Variants in SCAMP1 observed in about 807,000 individuals in gnomAD.
SCAMP1 encodes secretory carrier-associated membrane protein 1.
Under a neutral mutation model 41.8 loss-of-function variants are expected in SCAMP1, and 15 were observed. The observed-to-expected ratio is 0.36, with a 90% confidence interval of 0.24 to 0.55. The LOEUF is 0.55. SCAMP1 is among the 20% of genes least tolerant of loss of function. SCAMP1 has a pLI of 0.86. For missense variants in SCAMP1, 341 were observed against 412.6 expected, an observed-to-expected ratio of 0.83 and a Z score of 1.50; for synonymous variants, 135 against 136.8, an observed-to-expected ratio of 0.99 and a Z score of 0.09.
intron 1 of SCAMP1, among the ~76,000 whole-genome samples, chr5:78,387,087 A>G (rs950738029): frequency 7.9e-5 from 12 of 152,136 alleles, no homozygotes; most frequent in African/African-American, 2.2e-4. Flanking sequence ...CTCGAGAACA[A>G]TTATTCTTAG....
intron 1 of SCAMP1, among the ~76,000 whole-genome samples, chr5:78,382,358 T>C (rs1369004363): frequency 1.3e-5 from 2 of 152,228 alleles, no homozygotes; most frequent in African/African-American, 4.8e-5. Flanking sequence ...TTTGTTGAGA[T>C]ATTCATTATA....
chr5:78,380,164 A>T (rs571095163), intron 1 of SCAMP1, among the ~76,000 whole-genome samples: 14 of 152,326 alleles, frequency 9.2e-5, no homozygotes, highest in Middle Eastern at 3.4e-3. Context: ...ACTCAGCTGC[A>T]TAGTACTTTA....
intron 7 of SCAMP1, among the ~76,000 whole-genome samples, chr5:78,453,167 T>C (rs941543382): frequency 6.6e-6 from 1 of 151,330 alleles, no homozygotes; most frequent in Non-Finnish European, 1.5e-5. Flanking sequence ...TTTCTTTTGC[T>C]GTGCAGAAGC....
intron 2 of SCAMP1, among the ~76,000 whole-genome samples, chr5:78,393,470 C>T (rs1416371169): frequency 6.6e-6 from 1 of 152,128 alleles, no homozygotes; most frequent in African/African-American, 2.4e-5. Flanking sequence ...CAGTGCTTGG[C>T]CTGCATAATT....
At position 78,459,320 on chromosome 5, in the gene SCAMP1, T is replaced by C. The variant is rs1753522531; in HGVS notation, c.810T>C (p.Leu270=). ...TCATGATGATAATCATAGCAGCACT[T>C]TTCACAGCATCAGCAGTCATCTCAC... The part of the protein sequence containing the change: ...VGIMMIIIAA[L]FTASAVISLV... Residue 270 remains leucine, a synonymous_variant, in exon 8 of 9, where the codon CTT becomes CTC. Coordinates refer to ENST00000621999, the MANE Select transcript of SCAMP1 (RefSeq NM_004866.6). The C allele has an allele frequency of 7.5e-6, 12 of 1,606,710 alleles. No individual in the cohort carries two copies. The highest frequency in any genetic ancestry group is 1.0e-5 in the Non-Finnish European group (12 of 1,173,940).
At chr5:78,459,194 T>G (rs768954914) in intron 7 of SCAMP1, 51 bp from the exon 8 acceptor site, 5 of 848,742 alleles carry the variant, frequency 5.9e-6, no homozygotes, top group African/African-American at 1.7e-5. Flanking sequence ...ATGCTATTTT[T>G]AAAAAGTTTA....
chr5:78,392,212 GCTGT>G lies in SCAMP1; in HGVS notation c.135+3301_135+3304del, dbSNP rs1300124462. Reference sequence around the variant, plus strand: ...TATCAGTTGTAGTATTCTTCATCAAGCTGTCTACTTTGTGCCATGTGCTTTGCCT... The same window carrying G: ...TATCAGTTGTAGTATTCTTCATCAAGCTACTTTGTGCCATGTGCTTTGCCT... On this transcript the variant is annotated intron_variant, in intron 2 of 8. Transcript: ENST00000621999. 2.6e-5 allele frequency among the ~76,000 whole-genome samples: 4 copies of G among 152,182 alleles called. No homozygotes were observed. In the East Asian group the frequency reaches 5.8e-4, roughly 22 times the overall value.
chr5:78,391,264 A>G (rs1216257567), intron 2 of SCAMP1, among the ~76,000 whole-genome samples: 16 of 135,986 alleles, frequency 1.2e-4, no homozygotes, highest in African/African-American at 2.8e-4. Context: ...CGGACGGGGC[A>G]GCTGGCCGGG....
chr5:78,417,813 A>G (rs1752246013), intron 4 of SCAMP1, among the ~76,000 whole-genome samples: 2 of 152,200 alleles, frequency 1.3e-5, no homozygotes, highest in South Asian at 4.1e-4. Flanking sequence ...GAAATGAACT[A>G]TATGAAATTT....
intron 6 of SCAMP1, among the ~76,000 whole-genome samples, chr5:78,428,740 G>A (rs1752527347): frequency 6.6e-6 from 1 of 152,044 alleles, no homozygotes; most frequent in Non-Finnish European, 1.5e-5. Flanking sequence ...CATTGATTTT[G>A]TGAATATGGA....
At chr5:78,366,688 C>G (rs11743458) in intron 1 of SCAMP1, among the ~76,000 whole-genome samples, 37,361 of 152,070 alleles carry the variant, frequency 0.25, 4,980 homozygotes, top group East Asian at 0.54. Context: ...CCTCCCTTAT[C>G]TGTTTAAAAT....
intron 1 of SCAMP1, among the ~76,000 whole-genome samples, chr5:78,366,417 T>C: frequency 6.6e-6 from 1 of 152,168 alleles, no homozygotes; most frequent in African/African-American, 2.4e-5. Flanking sequence ...GTGCTGGGAT[T>C]ACAGGTGTAT....
intron 5 of SCAMP1, among the ~76,000 whole-genome samples, chr5:78,420,864 A>C (rs1752323710): frequency 6.6e-6 from 1 of 152,210 alleles, no homozygotes; most frequent in African/African-American, 2.4e-5. Flanking sequence ...AGATTTAAAA[A>C]ACTAGATCCA....
chr5:78,387,445 G>A (rs913383577), intron 1 of SCAMP1, among the ~76,000 whole-genome samples: 2 of 148,440 alleles, frequency 1.3e-5, no homozygotes, highest in Non-Finnish European at 3.0e-5. Flanking sequence ...TTGACCTTCT[G>A]AATTTTTTTT....
At chr5:78,464,238 G>A (rs1363941522) in intron 8 of SCAMP1, among the ~76,000 whole-genome samples, 1 of 152,058 alleles carries the variant, frequency 6.6e-6, no homozygotes, top group Admixed American at 6.5e-5. Context: ...CCAACTCCCT[G>A]GTTCAAGCAG....
intron 2 of SCAMP1, among the ~76,000 whole-genome samples, chr5:78,405,375 A>T (rs765336525): frequency 6.6e-6 from 1 of 152,034 alleles, no homozygotes; most frequent in African/African-American, 2.4e-5. Context: ...CACATATTCC[A>T]TGCATTCTCC....
At chr5:78,364,863 A>G (rs1046438314) in intron 1 of SCAMP1, among the ~76,000 whole-genome samples, 5 of 124,356 alleles carry the variant, frequency 4.0e-5, no homozygotes, top group Non-Finnish European at 8.0e-5. Flanking sequence ...GGTGGGGAAC[A>G]TCACACACCG....
At chr5:78,397,108 T>A (rs56007750) in intron 2 of SCAMP1, among the ~76,000 whole-genome samples, 42,937 of 152,024 alleles carry the variant, frequency 0.28, 6,378 homozygotes, top group East Asian at 0.54. Context: ...ATAGTTACAG[T>A]AATCAAGACA....
intron 2 of SCAMP1, among the ~76,000 whole-genome samples, chr5:78,410,667 T>C (rs1752053167): frequency 1.3e-5 from 2 of 152,192 alleles, no homozygotes; most frequent in African/African-American, 4.8e-5. Flanking sequence ...TACACAGTAA[T>C]GGGATTGCTG....
Sources: gnomAD v4.1 joint callset for allele counts (sites outside exome capture counted in the v4.1 genomes callset) on GRCh38, gnomAD v4.1.1 for gene constraint, MANE v1.5 for transcripts, NCBI Gene and HGNC (gene_info 2026-07-23, HGNC 2026-07-21) for gene names.